Variants in VMP1 observed in about 807,000 individuals in gnomAD.
VMP1 encodes the protein ectopic P-granules autophagy protein 3 homolog.
A neutral mutation model predicts 56.0 loss-of-function variants in VMP1; 11 were observed. The observed-to-expected ratio is 0.20, with a 90% CI of 0.12 to 0.32. VMP1 has a LOEUF of 0.32. VMP1 is among the 10% of genes least tolerant of loss of function. The pLI is 1.00. For synonymous variants in VMP1, 149 were observed against 165.0 expected, an observed-to-expected ratio of 0.90 and a Z score of 0.74; for missense variants, 296 against 490.3, an observed-to-expected ratio of 0.60 and a Z score of 3.74.
At chr17:59,812,434 T>C (rs1477722145) in intron 9 of VMP1, among the ~76,000 whole-genome samples, 1 of 152,166 alleles carries the variant, frequency 6.6e-6, no homozygotes, top group Non-Finnish European at 1.5e-5. Context: ...TGCATGTGTA[T>C]GTGTGTGTGC....
At chr17:59,724,569 G>A (rs936860985) in intron 1 of VMP1, among the ~76,000 whole-genome samples, 4 of 152,222 alleles carry the variant, frequency 2.6e-5, no homozygotes, top group Non-Finnish European at 4.4e-5. Flanking sequence ...CTACTTGGGA[G>A]GCTGAGACAG....
chr17:59,721,040 A>G (rs2143745651), intron 1 of VMP1, among the ~76,000 whole-genome samples: 1 of 147,146 alleles, frequency 6.8e-6, no homozygotes. Flanking sequence ...CAAAACAAAA[A>G]CATGATATAA....
At chr17:59,766,518 ATAT>A (rs1354114814) in intron 6 of VMP1, among the ~76,000 whole-genome samples, 2 of 152,078 alleles carry the variant, frequency 1.3e-5, no homozygotes, top group African/African-American at 4.8e-5. Context: ...CAACAAGAAA[ATAT>A]TATGTTCTTA....
intron 5 of VMP1, among the ~76,000 whole-genome samples, chr17:59,762,471 AT>A (rs1194881838): frequency 3.3e-5 from 5 of 152,182 alleles, no homozygotes; most frequent in African/African-American, 4.8e-5. Context: ...TTAATCAAAA[AT>A]TTTTTTATTT....
chr17:59,793,781 C>T lies in VMP1; in HGVS notation c.715-15015C>T, dbSNP rs549902245. On this transcript the variant is annotated intron_variant, in intron 7 of 11. Coordinates refer to ENST00000262291, the MANE Select transcript of VMP1 (RefSeq NM_030938.5). ...AGCTGAAATTACAGGCGAGCACCAC[C>T]ATGCCCGTTTAATTTTTGTGTTTTT... 1.5e-3 allele frequency among the ~76,000 whole-genome samples: 92 copies of T among 60,838 alleles called. 10 individuals carry two copies. Among genetic ancestry groups the T allele is most frequent in the African/African-American group, 3.1e-3 (91 of 29,016 alleles). 39.9% of individuals were successfully genotyped at this position (60,838 alleles called of 152,430 possible). A position where few individuals can be genotyped will look rare whatever the true frequency, so the allele number is the denominator to read the frequency against.
chr17:59,772,994 G>A (rs1474821145), intron 6 of VMP1, among the ~76,000 whole-genome samples: 4 of 84,440 alleles, frequency 4.7e-5, no homozygotes, highest in African/African-American at 1.9e-4. Context: ...ACAGAGTCTT[G>A]CTCTGTTGCC....
At chr17:59,710,116 G>A (rs1479871509) in intron 1 of VMP1, among the ~76,000 whole-genome samples, 1 of 152,040 alleles carries the variant, frequency 6.6e-6, no homozygotes, top group South Asian at 2.1e-4. Context: ...AGAATGGCGC[G>A]AACCCAGGAG....
chr17:59,817,865 A>G (rs2038300073), intron 10 of VMP1, 92 bp downstream of exon 10: 3 of 1,007,116 alleles, frequency 3.0e-6, no homozygotes, highest in South Asian at 3.6e-5. Flanking sequence ...AATTTTTGAC[A>G]TAGTTCTTTA....
At position 59,841,896 on chromosome 17, in the gene VMP1, C is replaced by A. The variant is rs2039168033; in HGVS notation, c.*1985C>A. The A allele has an allele frequency of 6.6e-6, 1 of 152,010 alleles. No homozygotes were observed. Among genetic ancestry groups the A allele is most frequent in the South Asian group, 2.1e-4 (1 of 4,832 alleles). 9.4% of individuals were successfully genotyped at this position (152,010 alleles called of 1,614,324 possible). On this transcript the variant is annotated 3_prime_UTR_variant, in exon 12 of 12. Transcript: ENST00000262291. ...TAAATAGAAAAAAAAAATTTTGTTT[C>A]CTAGGTTGAAGGTCTAATTGATACG...
At chr17:59,795,868 C>A (rs551317666) in intron 7 of VMP1, among the ~76,000 whole-genome samples, 25 of 152,178 alleles carry the variant, frequency 1.6e-4, no homozygotes, top group Middle Eastern at 3.4e-3. Context: ...AATTTTGTCT[C>A]ATACTCAGTT....
chr17:59,756,659 G>C (rs1022427991), intron 5 of VMP1, among the ~76,000 whole-genome samples: 1 of 152,154 alleles, frequency 6.6e-6, no homozygotes, highest in African/African-American at 2.4e-5. Context: ...TGTTTTGTCT[G>C]CTTGCCTTCC....
chr17:59,770,428 A>G (rs768069972), intron 6 of VMP1, among the ~76,000 whole-genome samples: 5 of 152,110 alleles, frequency 3.3e-5, no homozygotes, highest in Admixed American at 1.3e-4. Context: ...TCTCTTCTCA[A>G]TTATCTTGAA....
At chr17:59,747,723 C>G (rs2035479677) in intron 5 of VMP1, among the ~76,000 whole-genome samples, 1 of 150,860 alleles carries the variant, frequency 6.6e-6, no homozygotes, top group Admixed American at 6.6e-5. Flanking sequence ...GACCCCATTT[C>G]TTTAAAAAAA....
In VMP1 at chr17:59,778,540, CAA is replaced by C. The variant is rs58638800; in HGVS notation, c.714+4670_714+4671del. On this transcript the variant is annotated intron_variant, in intron 7 of 11. Transcript: ENST00000262291. ...CCTGGGTGAGAGCGAGACTCTGTCT[CAA>C]AAAAAAAAAAAAAAGAATAAGGCAC... is the stretch of plus-strand genomic sequence containing the variant. Among the ~76,000 whole-genome samples the C allele has an allele frequency of 5.5e-3, 663 of 119,532 alleles. 3 individuals carry two copies. Among genetic ancestry groups the C allele is most frequent in the African/African-American group, 8.8e-3 (308 of 34,850 alleles). 78.4% of individuals were successfully genotyped at this position (119,532 alleles called of 152,430 possible).
chr17:59,709,492 A>G (rs12185278), intron 1 of VMP1, among the ~76,000 whole-genome samples: 1 of 152,236 alleles, frequency 6.6e-6, no homozygotes, highest in African/African-American at 2.4e-5. Flanking sequence ...ACTTTCTTTC[A>G]TACAACTGTC....
chr17:59,730,208 C>T (rs993287870), intron 1 of VMP1, among the ~76,000 whole-genome samples: 5 of 151,916 alleles, frequency 3.3e-5, no homozygotes, highest in East Asian at 1.9e-4. Context: ...GCCCGATACA[C>T]GCTTCTTATG....
intron 7 of VMP1, among the ~76,000 whole-genome samples, chr17:59,782,243 T>C (rs1220927308): frequency 1.3e-5 from 2 of 152,162 alleles, no homozygotes; most frequent in Non-Finnish European, 2.9e-5. Flanking sequence ...GGTTTTATTC[T>C]TTTAAGTCTT....
chr17:59,741,669 G>A (rs2035232038), intron 5 of VMP1, among the ~76,000 whole-genome samples: 2 of 152,072 alleles, frequency 1.3e-5, no homozygotes, highest in Admixed American at 1.3e-4. Flanking sequence ...AATATATATA[G>A]TAAAATGGTT....
intron 9 of VMP1, 74 bp from the exon 10 acceptor site, chr17:59,817,638 A>C: frequency 9.0e-7 from 1 of 1,109,914 alleles, no homozygotes; most frequent in African/African-American, 1.6e-5. Context: ...TCTTTAGACT[A>C]TTACCAGAAT....
Sources: gnomAD v4.1 joint callset for allele counts (sites outside exome capture counted in the v4.1 genomes callset) on GRCh38, gnomAD v4.1.1 for gene constraint, MANE v1.5 for transcripts, NCBI Gene and HGNC (gene_info 2026-07-23, HGNC 2026-07-21) for gene names.